The following TESK2 variants were observed in gnomAD, a reference collection of about 807,000 sequenced individuals.
TESK2 encodes testis associated actin remodelling kinase 2, also known as dual specificity testis-specific protein kinase 2.
TESK2 carries 39 observed loss-of-function variants against 57.1 expected under a neutral mutation model. That is an observed-to-expected ratio of 0.68 (90% confidence interval 0.53 to 0.89). The LOEUF is 0.89. Ranked by LOEUF, TESK2 falls within the 40% of genes least tolerant of loss-of-function variation. The pLI is 0.00. For missense variants in TESK2, 646 were observed against 732.1 expected, an observed-to-expected ratio of 0.88 and a Z score of 1.36; for synonymous variants, 249 against 267.9, an observed-to-expected ratio of 0.93 and a Z score of 0.69.
rs745875254 is a variant in TESK2, at chr1:45,457,578, A to T, written c.208T>A (p.Ser70Thr). 1 of 1,614,040 alleles carries T rather than the reference A, an allele frequency of 6.2e-7. No homozygotes were observed. Among genetic ancestry groups the T allele is most frequent in the South Asian group, 1.1e-5 (1 of 91,052 alleles). Residue 70 changes from serine (S) to threonine (T), a missense_variant, in exon 2 of 11, where the codon TCT (serine) becomes ACT (threonine). By Grantham distance (58) the Ser-to-Thr change is moderately conservative (BLOSUM62 1). Coordinates refer to ENST00000372086, the MANE Select transcript of TESK2 (RefSeq NM_007170.3). ...TCEKIGSGFF[S>T]EVFKVRHRAS... is the part of the protein sequence containing the mutation. ...GACTCACTCACCTTGAACACTTCAG[A>T]AAAGAAGCCAGACCCTATTTTTTCA...
chr1:45,346,651 C>T (rs1420022025), intron 9 of TESK2, 42 bp downstream of exon 9: 1 of 1,555,112 alleles, frequency 6.4e-7, no homozygotes, highest in Admixed American at 1.8e-5. Context: ...GAAAAGGGTT[C>T]AGCCAGCCCC....
intron 3 of TESK2, among the ~76,000 whole-genome samples, chr1:45,403,238 A>AG (rs1011294980): frequency 6.6e-6 from 1 of 151,662 alleles, no homozygotes; most frequent in African/African-American, 2.4e-5. Flanking sequence ...GATGGGAAAA[A>AG]AAAAAAAAAA....
intron 1 of TESK2, among the ~76,000 whole-genome samples, chr1:45,488,329 A>C (rs1653569516): frequency 6.6e-6 from 1 of 152,124 alleles, no homozygotes; most frequent in Non-Finnish European, 1.5e-5. Flanking sequence ...CTCCAAACTG[A>C]CTTCTCCACA....
At chr1:45,451,513 G>A (rs1417348802) in intron 2 of TESK2, among the ~76,000 whole-genome samples, 2 of 152,166 alleles carry the variant, frequency 1.3e-5, no homozygotes, top group Admixed American at 6.5e-5. Context: ...CATGCTGCCT[G>A]CCCAGCACAA....
chr1:45,421,702 CA>C lies in TESK2; in HGVS notation c.344+22del, dbSNP rs1410526767. ...CCAATGTTTCAGTTTTCTCATTGAT[CA>C]GAAGGAAGGAAAAGCCATTACCTAA... On this transcript the variant is annotated intron_variant, in intron 3 of 10. Transcript: ENST00000372086. 3.1e-6 allele frequency: 5 copies of C among 1,613,330 alleles called. No homozygotes were observed. In the Admixed American group the frequency reaches 8.3e-5, roughly 27 times the overall value.
chr1:45,472,145 G>A (rs1200237319), intron 1 of TESK2, among the ~76,000 whole-genome samples: 27 of 151,928 alleles, frequency 1.8e-4, no homozygotes, highest in African/African-American at 4.6e-4. Flanking sequence ...CCAGCTACTC[G>A]GGAGGCTGAG....
intron 3 of TESK2, among the ~76,000 whole-genome samples, chr1:45,389,727 C>A (rs1045801885): frequency 6.6e-6 from 1 of 152,158 alleles, no homozygotes; most frequent in Non-Finnish European, 1.5e-5. Flanking sequence ...CTTTATAAAT[C>A]GCAATTTCCT....
At position 45,402,509 on chromosome 1, in the gene TESK2, T is replaced by C. The variant is rs190490277; in HGVS notation, c.345-16549A>G. 6.0e-5 allele frequency among the ~76,000 whole-genome samples: 9 copies of C among 150,972 alleles called. No individual in the cohort carries two copies. The East Asian group carries it at 1.8e-3, about 29-fold the overall frequency. On this transcript the variant is annotated intron_variant, in intron 3 of 10. Coordinates refer to ENST00000372086, the MANE Select transcript of TESK2 (RefSeq NM_007170.3). Reference sequence around the variant, plus strand: ...TTCTTTTTTTTTTTTTGAGACTGAGTTTAGCTCTTGTTGCCCAGGCTGGAG... The same window carrying C: ...TTCTTTTTTTTTTTTTGAGACTGAGCTTAGCTCTTGTTGCCCAGGCTGGAG...
At chr1:45,379,897 A>AT (rs575399398) in intron 4 of TESK2, among the ~76,000 whole-genome samples, 10 of 150,304 alleles carry the variant, frequency 6.7e-5, no homozygotes, top group South Asian at 4.2e-4. Flanking sequence ...TTTTTTTTAA[A>AT]TTTTTTTTTT....
chr1:45,425,850 A>G (rs1650668754), intron 2 of TESK2, among the ~76,000 whole-genome samples: 1 of 152,110 alleles, frequency 6.6e-6, no homozygotes, highest in Non-Finnish European at 1.5e-5. Flanking sequence ...CCTGAGGAAA[A>G]GAAAAAAAGC....
intron 2 of TESK2, among the ~76,000 whole-genome samples, chr1:45,425,519 G>T (rs1311675889): frequency 6.6e-6 from 1 of 152,054 alleles, no homozygotes; most frequent in African/African-American, 2.4e-5. Flanking sequence ...ACTGGGCTTG[G>T]TGGTTCAAGC....
At chr1:45,371,845 G>A (rs115154664) in intron 4 of TESK2, among the ~76,000 whole-genome samples, 1 of 152,316 alleles carries the variant, frequency 6.6e-6, no homozygotes, top group Non-Finnish European at 1.5e-5. Flanking sequence ...TCCAGCCTGG[G>A]TGACAGCGAG....
At chr1:45,421,607 C>T (rs1408675227) in intron 3 of TESK2, 118 bp downstream of exon 3, 1 of 1,415,458 alleles carries the variant, frequency 7.1e-7, no homozygotes, top group African/African-American at 1.4e-5. Context: ...TAAACCCCAG[C>T]AAGATAGATT....
intron 1 of TESK2, among the ~76,000 whole-genome samples, chr1:45,460,761 T>TA (rs1337429541): frequency 2.0e-5 from 3 of 151,954 alleles, no homozygotes; most frequent in African/African-American, 7.2e-5. Flanking sequence ...CCCTCATCAC[T>TA]AAAAAAATAA....
At chr1:45,360,905 C>T (rs1230668173) in intron 4 of TESK2, among the ~76,000 whole-genome samples, 1 of 152,246 alleles carries the variant, frequency 6.6e-6, no homozygotes, top group East Asian at 1.9e-4. Context: ...GCAACCTCCA[C>T]CTCCCAGGTT....
chr1:45,484,170 G>T (rs1450370634), intron 1 of TESK2, among the ~76,000 whole-genome samples: 1 of 146,118 alleles, frequency 6.8e-6, no homozygotes, highest in Non-Finnish European at 1.5e-5. Context: ...GTACAGCGGC[G>T]CGATCTCGGC....
intron 2 of TESK2, among the ~76,000 whole-genome samples, chr1:45,433,246 T>C (rs913628268): frequency 6.6e-6 from 1 of 151,708 alleles, no homozygotes; most frequent in Non-Finnish European, 1.5e-5. Context: ...CAGCTAATTT[T>C]TTTTGTAATT....
At chr1:45,390,010 T>G (rs1340037946) in intron 3 of TESK2, among the ~76,000 whole-genome samples, 3 of 152,242 alleles carry the variant, frequency 2.0e-5, no homozygotes, top group Non-Finnish European at 4.4e-5. Context: ...AAACTTCCCA[T>G]GATCCACTCC....
At chr1:45,477,058 C>A (rs866419377) in intron 1 of TESK2, among the ~76,000 whole-genome samples, 30 of 123,504 alleles carry the variant, frequency 2.4e-4, no homozygotes, top group South Asian at 5.3e-4. Context: ...ACGTCTCTAC[C>A]AAAAAAAAAA....
Sources: gnomAD v4.1 joint callset for allele counts (sites outside exome capture counted in the v4.1 genomes callset) on GRCh38, gnomAD v4.1.1 for gene constraint, MANE v1.5 for transcripts, NCBI Gene and HGNC (gene_info 2026-07-23, HGNC 2026-07-21) for gene names.